The following ATP13A5 variants were observed in gnomAD, a reference collection of about 807,000 sequenced individuals.
The protein encoded by ATP13A5 is ATPase 13A5, also known as probable cation-transporting ATPase 13A5.
Under a neutral mutation model 150.2 loss-of-function variants are expected in ATP13A5, and 149 were observed. The ratio of observed to expected loss-of-function variants is 0.99; its 90% CI spans 0.87 to 1.14. The LOEUF (loss-of-function observed/expected upper bound fraction) is 1.14. ATP13A5 is among the 50% of genes most tolerant of loss of function. The pLI, the probability that ATP13A5 is intolerant of heterozygous loss-of-function variation, is 0.00. For synonymous variants in ATP13A5, 497 were observed against 522.2 expected, an observed-to-expected ratio of 0.95 and a Z score of 0.66; for missense variants, 1,383 against 1,449.3, an observed-to-expected ratio of 0.95 and a Z score of 0.74.
In ATP13A5 at chr3:193,314,048, A is replaced by T. The variant is rs763325301; in HGVS notation, c.2304T>A (p.Thr768=). The T allele has an allele frequency of 6.2e-7, 1 of 1,613,334 alleles. No individual in the cohort carries two copies. The change falls in exon 19 of 30, where the codon ACT becomes ACA. Residue 768 remains threonine (T), a synonymous_variant. Coordinates refer to ENST00000342358, the MANE Select transcript of ATP13A5 (RefSeq NM_198505.4). ...VTWQLVENQE[T]GPGKKEIYMH... ...ATTTGCTCACTTTCTTCCCAGGTCC[A>T]GTCTCTTGGTTCTCCACCAGCTGCC...
At position 193,360,069 on chromosome 3, in the gene ATP13A5, T is replaced by C. The variant is rs574758405; in HGVS notation, c.536+2312A>G. Among the ~76,000 whole-genome samples, 7 of 152,348 alleles carry C rather than the reference T, an allele frequency of 4.6e-5. 1 individual carries two copies. Among genetic ancestry groups the C allele is most frequent in the Admixed American group, 4.6e-4 (7 of 15,298 alleles). On this transcript the variant is annotated intron_variant, in intron 5 of 29. Transcript: ENST00000342358. Reference sequence around the variant, plus strand: ...TTCCCTTATGGGCTCACTTTTGTGATATAAAAGAATTACCTTGAATGTCTT... The same window carrying C: ...TTCCCTTATGGGCTCACTTTTGTGACATAAAAGAATTACCTTGAATGTCTT...
At chr3:193,374,955 A>G (rs1713588928) in intron 1 of ATP13A5, among the ~76,000 whole-genome samples, 1 of 152,098 alleles carries the variant, frequency 6.6e-6, no homozygotes. Context: ...ATGGAATGAC[A>G]CAGCAAGAAG....
In ATP13A5 at chr3:193,324,955, G is replaced by T. The variant is rs757220508; in HGVS notation, c.1583C>A (p.Ala528Glu). 6.2e-7 allele frequency: 1 copy of T among 1,613,912 alleles called. No individual in the cohort carries two copies. Among genetic ancestry groups the T allele is most frequent in the East Asian group, 2.2e-5 (1 of 44,880 alleles). Residue 528 changes from alanine to glutamate, a missense_variant, in exon 14 of 30, where the codon GCG (alanine) becomes GAG (glutamate). Transcript: ENST00000342358. Reference sequence around the variant, plus strand: ...CAGAGAGTGGCAGCTGGCCATGGCCGCACACAGTGGGCTCCATGGCACAGC... The same window carrying T: ...CAGAGAGTGGCAGCTGGCCATGGCCTCACACAGTGGGCTCCATGGCACAGC... ...GQAVPWSPLCAAMASCHSLIL... is the reference protein window; with the variant it reads ...GQAVPWSPLCEAMASCHSLIL...
chr3:193,355,036 G>A (rs1452319814), intron 5 of ATP13A5, among the ~76,000 whole-genome samples: 2 of 150,000 alleles, frequency 1.3e-5, no homozygotes, highest in Admixed American at 6.7e-5. Context: ...AGGTTCAAGC[G>A]ATTCTCCTGC....
chr3:193,275,763 CCA>C (rs1394837198), intron 29 of ATP13A5, among the ~76,000 whole-genome samples: 1 of 152,042 alleles, frequency 6.6e-6, no homozygotes, highest in East Asian at 1.9e-4. Context: ...GTTCACATGC[CCA>C]CACAGTTTTT....
At chr3:193,296,519 T>C (rs1718178320) in intron 25 of ATP13A5, among the ~76,000 whole-genome samples, 1 of 152,078 alleles carries the variant, frequency 6.6e-6, no homozygotes, top group Non-Finnish European at 1.5e-5. Context: ...ATTTCTGAGT[T>C]CTCTATTCTG....
intron 5 of ATP13A5, among the ~76,000 whole-genome samples, chr3:193,358,431 G>T (rs1577369764): frequency 6.6e-6 from 1 of 152,156 alleles, no homozygotes; most frequent in Non-Finnish European, 1.5e-5. Flanking sequence ...CAACAAGAGT[G>T]CTGGCCTTCG....
chr3:193,318,906 A>T, intron 17 of ATP13A5, 85 bp downstream of exon 17: 1 of 933,722 alleles, frequency 1.1e-6, no homozygotes, highest in Non-Finnish European at 1.7e-6. Flanking sequence ...CTTCCAGGTG[A>T]TTAGAACTGT....
Position 193,369,834 on chromosome 3 carries a change from C to G in ATP13A5, c.64-5554G>C, listed in dbSNP as rs139270962. On this transcript the variant is annotated intron_variant, in intron 1 of 29. Transcript: ENST00000342358. ...CTTAGGGGAATATTAATAGCATACA[C>G]CTGGAAAAACAATGCGGCTTAAAGA... is the stretch of plus-strand genomic sequence containing the variant. Among the ~76,000 whole-genome samples, 376 of 152,154 alleles carry G rather than the reference C, an allele frequency of 2.5e-3. 3 individuals are homozygous for G. The highest frequency in any genetic ancestry group is 8.5e-3 in the African/African-American group (351 of 41,468).
chr3:193,342,827 G>A (rs1159459847), intron 9 of ATP13A5, among the ~76,000 whole-genome samples: 1 of 152,174 alleles, frequency 6.6e-6, no homozygotes, highest in African/African-American at 2.4e-5. Context: ...TGGGAGGTGT[G>A]AGGCAGCTGC....
At chr3:193,347,277 GTATTTAATT>G (rs1191577764) in intron 7 of ATP13A5, among the ~76,000 whole-genome samples, 2 of 9,948 alleles carry the variant, frequency 2.0e-4, no homozygotes, top group Non-Finnish European at 3.1e-4. Context: ...TTGAATAACA[GTATTTAATT>G]TTTTTAATTC....
chr3:193,332,652 C>T (rs1711678931), intron 11 of ATP13A5, among the ~76,000 whole-genome samples: 1 of 152,084 alleles, frequency 6.6e-6, no homozygotes, highest in Non-Finnish European at 1.5e-5. Flanking sequence ...AAATTCATTA[C>T]TCCCTTCTTT....
intron 1 of ATP13A5, among the ~76,000 whole-genome samples, chr3:193,377,818 T>C (rs959062750): frequency 1.3e-5 from 2 of 152,158 alleles, no homozygotes; most frequent in Non-Finnish European, 2.9e-5. Flanking sequence ...CCTTTCTTCA[T>C]TGTCTAGCTG....
At chr3:193,289,738 C>A in intron 26 of ATP13A5, 147 bp downstream of exon 26, 63 of 555,520 alleles carry the variant, frequency 1.1e-4, no homozygotes, top group Middle Eastern at 1.1e-3. Flanking sequence ...CATGGATTAA[C>A]TGTGTTCTGT....
At chr3:193,338,281 T>C (rs1711972702) in intron 9 of ATP13A5, among the ~76,000 whole-genome samples, 1 of 151,968 alleles carries the variant, frequency 6.6e-6, no homozygotes, top group Non-Finnish European at 1.5e-5. Context: ...TGAATAGGAG[T>C]GGTGAGAGAG....
At position 193,324,984 on chromosome 3, in the gene ATP13A5, G is replaced by A. The variant is rs781540935; in HGVS notation, c.1554C>T (p.Gly518=). 8 of 1,613,602 alleles carry A rather than the reference G, an allele frequency of 5.0e-6. No homozygotes were observed. In the East Asian group the frequency reaches 1.6e-4, roughly 31 times the overall value. ...CFQEAHSFAS[G]QAVPWSPLCA... is the part of the protein sequence containing the mutation. ...ACAGTGGGCTCCATGGCACAGCCTG[G>A]CCTGAGGCAAAGCTGTGGGCTTCCT... The change falls in exon 14 of 30, where the codon GGC becomes GGT. Residue 518 remains glycine, a synonymous_variant. Coordinates refer to ENST00000342358, the MANE Select transcript of ATP13A5 (RefSeq NM_198505.4).
intron 16 of ATP13A5, among the ~76,000 whole-genome samples, chr3:193,321,191 A>C (rs1331778276): frequency 6.6e-6 from 1 of 152,084 alleles, no homozygotes; most frequent in Non-Finnish European, 1.5e-5. Flanking sequence ...TACTGCACCC[A>C]CAGCCAGATA....
chr3:193,287,335 C>G (rs116139361), intron 26 of ATP13A5, among the ~76,000 whole-genome samples: 11 of 152,130 alleles, frequency 7.2e-5, no homozygotes, highest in Non-Finnish European at 1.6e-4. Context: ...ACTTTAATAA[C>G]TAGAGATAAG....
At chr3:193,289,434 T>C (rs1023634805) in intron 26 of ATP13A5, among the ~76,000 whole-genome samples, 1 of 152,144 alleles carries the variant, frequency 6.6e-6, no homozygotes, top group African/African-American at 2.4e-5. Context: ...CAAATCTGAT[T>C]CATCACCTGA....
Sources: gnomAD v4.1 joint callset for allele counts (sites outside exome capture counted in the v4.1 genomes callset) on GRCh38, gnomAD v4.1.1 for gene constraint, MANE v1.5 for transcripts, NCBI Gene and HGNC (gene_info 2026-07-23, HGNC 2026-07-21) for gene names.